SLC9C1: variants seen among roughly 807,000 people sequenced by gnomAD.
SLC9C1 encodes the protein sodium/hydrogen exchanger 10.
Under a neutral mutation model 140.9 loss-of-function variants are expected in SLC9C1, and 97 were observed. The ratio of observed to expected loss-of-function variants is 0.69; its 90% CI spans 0.58 to 0.82. SLC9C1 has a LOEUF of 0.82. Among genes scored for constraint, SLC9C1 ranks in the 40% least tolerant of loss-of-function variants. SLC9C1 has a pLI of 0.00. For synonymous variants in SLC9C1, 440 were observed against 442.6 expected (o/e 0.99, Z 0.07); for missense variants, 1,340 against 1,389.3 (o/e 0.96, Z 0.56).
At chr3:112,185,811 C>T (rs2077525923) in intron 20 of SLC9C1, 1 of 1,571,544 alleles carries the variant, frequency 6.4e-7, no homozygotes, top group Non-Finnish European at 8.6e-7. Context: ...ACGCTGGTAG[C>T]GCAGGGGAGT....
At chr3:112,249,197 T>C (rs1190520226) in intron 10 of SLC9C1, among the ~76,000 whole-genome samples, 1 of 152,072 alleles carries the variant, frequency 6.6e-6, no homozygotes, top group Non-Finnish European at 1.5e-5. Context: ...TCTGCATCTA[T>C]TGAAGTAATC....
At chr3:112,189,833 A>G (rs2077616273) in intron 20 of SLC9C1, among the ~76,000 whole-genome samples, 1 of 152,132 alleles carries the variant, frequency 6.6e-6, no homozygotes, top group Non-Finnish European at 1.5e-5. Context: ...CAGTATGGCC[A>G]TTTTCATGAT....
At chr3:112,150,838 A>ATTT (rs1490606926) in intron 28 of SLC9C1, among the ~76,000 whole-genome samples, 97 of 58,092 alleles carry the variant, frequency 1.7e-3, no homozygotes, top group African/African-American at 0.01. Flanking sequence ...ATATATATAT[A>ATTT]TATTTTTTTT....
chr3:112,259,213 C>T (rs2079699126), intron 10 of SLC9C1, among the ~76,000 whole-genome samples: 1 of 152,020 alleles, frequency 6.6e-6, no homozygotes, highest in Non-Finnish European at 1.5e-5. Flanking sequence ...CCAAATACTG[C>T]ATGTTCTTAC....
intron 21 of SLC9C1, among the ~76,000 whole-genome samples, chr3:112,181,601 TTGTAA>T (rs1274465033): frequency 1.3e-5 from 2 of 152,146 alleles, no homozygotes; most frequent in Admixed American, 6.5e-5. Context: ...CTAAAGATAA[TTGTAA>T]TGTAATGTAC....
intron 20 of SLC9C1, among the ~76,000 whole-genome samples, chr3:112,187,425 A>G (rs1012743017): frequency 3.9e-5 from 6 of 152,198 alleles, no homozygotes; most frequent in Admixed American, 3.9e-4. Context: ...ATTAAACTGT[A>G]TAATCAGCAT....
In SLC9C1 at chr3:112,153,399, A is replaced by G. The variant is rs538979887; in HGVS notation, c.3418-1436T>C. The stretch of plus-strand genomic sequence containing the variant: ...GATGGTCTTGTCAGTGGGCTCTAGA[A>G]GTCATCTAATATTTTATTTTAAATG... On this transcript the variant is annotated intron_variant, in intron 27 of 28. Coordinates refer to ENST00000305815, the MANE Select transcript of SLC9C1 (RefSeq NM_183061.3). Among the ~76,000 whole-genome samples, 426 of 150,676 alleles carry G rather than the reference A, an allele frequency of 2.8e-3. 4 individuals carry two copies. The highest frequency in any genetic ancestry group is 9.7e-3 in the African/African-American group (398 of 41,178).
intron 28 of SLC9C1, among the ~76,000 whole-genome samples, chr3:112,145,798 A>C (rs2074775526): frequency 1.3e-5 from 2 of 151,976 alleles, no homozygotes. Context: ...GAGAGACCCG[A>C]AGGCAGATAA....
At chr3:112,265,001 A>C (rs1414979832) in intron 8 of SLC9C1, among the ~76,000 whole-genome samples, 1 of 151,990 alleles carries the variant, frequency 6.6e-6, no homozygotes, top group Non-Finnish European at 1.5e-5. Context: ...AGTCACAGTG[A>C]GACAGGAACT....
chr3:112,238,784 C>G (rs2079061739), intron 12 of SLC9C1, among the ~76,000 whole-genome samples: 1 of 152,184 alleles, frequency 6.6e-6, no homozygotes, highest in East Asian at 1.9e-4. Flanking sequence ...TATTGCTGAA[C>G]AGGCAATGTT....
At chr3:112,212,751 G>C in intron 15 of SLC9C1, among the ~76,000 whole-genome samples, 1 of 152,226 alleles carries the variant, frequency 6.6e-6, no homozygotes, top group East Asian at 1.9e-4. Context: ...GAAAGTGACA[G>C]GGAGAATGGA....
At chr3:112,209,363 C>G (rs1489520307) in intron 15 of SLC9C1, among the ~76,000 whole-genome samples, 1 of 152,176 alleles carries the variant, frequency 6.6e-6, no homozygotes. Flanking sequence ...GTCCTCTCTC[C>G]AGTCTGCTTT....
chr3:112,239,647 C>G (rs924569186), intron 12 of SLC9C1, among the ~76,000 whole-genome samples, 193 bp downstream of exon 12: 2 of 152,182 alleles, frequency 1.3e-5, no homozygotes, highest in African/African-American at 4.8e-5. Context: ...GGGGTTATGA[C>G]TTCTACTTTG....
chr3:112,278,427 G>T (rs2080272550), intron 4 of SLC9C1, among the ~76,000 whole-genome samples: 1 of 152,108 alleles, frequency 6.6e-6, no homozygotes, highest in Admixed American at 6.6e-5. Context: ...TTTTACTGGA[G>T]CTAATACACT....
At chr3:112,291,119 T>A (rs2080669355) in intron 1 of SLC9C1, among the ~76,000 whole-genome samples, 1 of 152,228 alleles carries the variant, frequency 6.6e-6, no homozygotes, top group Non-Finnish European at 1.5e-5. Context: ...GACTTGACTG[T>A]GTGCTTGCTT....
intron 10 of SLC9C1, among the ~76,000 whole-genome samples, chr3:112,253,788 A>G (rs961550564): frequency 1.3e-5 from 2 of 152,306 alleles, no homozygotes; most frequent in South Asian, 2.1e-4. Context: ...GTTGGCTGAG[A>G]CAACAGAAAT....
chr3:112,195,700 C>T (rs2077754916), intron 20 of SLC9C1, among the ~76,000 whole-genome samples: 1 of 152,062 alleles, frequency 6.6e-6, no homozygotes, highest in South Asian at 2.1e-4. Context: ...TGAATTTATA[C>T]AAACTTAACT....
At chr3:112,283,801 C>A in intron 2 of SLC9C1, among the ~76,000 whole-genome samples, 2 of 116,148 alleles carry the variant, frequency 1.7e-5, no homozygotes, top group African/African-American at 6.7e-5. Flanking sequence ...AGAAAACTTG[C>A]ATAAATTTTG....
intron 28 of SLC9C1, among the ~76,000 whole-genome samples, chr3:112,144,174 C>CTTTTT (rs138026716): frequency 4.2e-5 from 3 of 72,176 alleles, no homozygotes; most frequent in African/African-American, 1.1e-4. Context: ...GATGCCCTGG[C>CTTTTT]TTTTTTTTTT....
Sources: gnomAD v4.1 joint callset for allele counts (sites outside exome capture counted in the v4.1 genomes callset) on GRCh38, gnomAD v4.1.1 for gene constraint, MANE v1.5 for transcripts, NCBI Gene and HGNC (gene_info 2026-07-23, HGNC 2026-07-21) for gene names.